TUSC3: variants seen among roughly 807,000 people sequenced by gnomAD.
TUSC3 encodes the protein tumor suppressor candidate 3.
In TUSC3, 45 loss-of-function variants were observed where a neutral mutation model predicts 44.8. The observed-to-expected ratio is 1.00, with a 90% CI of 0.79 to 1.29. The LOEUF is 1.29. Ranked by LOEUF, TUSC3 falls within the 50% of genes most tolerant of loss-of-function variation. The probability of loss-of-function intolerance (pLI) is 0.00; values close to 1 mark genes in which losing one functional copy is unlikely to be tolerated. For missense variants in TUSC3, 519 were observed against 437.9 expected, an observed-to-expected ratio of 1.19 and a Z score of -1.65; for synonymous variants, 212 against 152.9, an observed-to-expected ratio of 1.39 and a Z score of -2.85.
intron 1 of TUSC3, among the ~76,000 whole-genome samples, chr8:15,605,282 C>T (rs1804472581): frequency 6.6e-6 from 1 of 151,894 alleles, no homozygotes; most frequent in Non-Finnish European, 1.5e-5. Context: ...ATCAAAATTA[C>T]TTGTCTTTTA....
the TUSC3 span, among the ~76,000 whole-genome samples, chr8:15,802,687 A>G: frequency 6.6e-6 from 1 of 151,980 alleles, no homozygotes; most frequent in Non-Finnish European, 1.5e-5. Flanking sequence ...TTTGCCAGAA[A>G]TATGCCCCTA....
intron 2 of TUSC3, among the ~76,000 whole-genome samples, chr8:15,636,573 G>C (rs1011265453): frequency 1.2e-4 from 19 of 152,228 alleles, no homozygotes; most frequent in African/African-American, 4.1e-4. Flanking sequence ...TGTTGCCGTA[G>C]GCATTAGTCA....
chr8:15,740,968 A>G (rs563650173), intron 7 of TUSC3, among the ~76,000 whole-genome samples: 16 of 152,210 alleles, frequency 1.1e-4, no homozygotes, highest in African/African-American at 2.4e-4. Context: ...AATTTAAGCA[A>G]TTCAAATGAG....
At chr8:15,515,823 A>G (rs970888888) in intron 2 of TUSC3, among the ~76,000 whole-genome samples, 6 of 151,598 alleles carry the variant, frequency 4.0e-5, no homozygotes, top group African/African-American at 1.5e-4. Context: ...TCTCGCCACC[A>G]CACCCGGCTA....
At chr8:15,822,344 C>T in the TUSC3 span, among the ~76,000 whole-genome samples, 2 of 152,096 alleles carry the variant, frequency 1.3e-5, no homozygotes, top group African/African-American at 4.8e-5. Context: ...AGAGTTTGCA[C>T]TTTACAGATG....
At chr8:15,668,112 G>A (rs1585210410) in intron 5 of TUSC3, among the ~76,000 whole-genome samples, 2 of 151,728 alleles carry the variant, frequency 1.3e-5, no homozygotes, top group Non-Finnish European at 3.0e-5. Flanking sequence ...GAGGTGGAAG[G>A]ATTGGTATCT....
At chr8:15,692,710 C>T (rs1315369132) in intron 6 of TUSC3, among the ~76,000 whole-genome samples, 3 of 149,768 alleles carry the variant, frequency 2.0e-5, no homozygotes, top group African/African-American at 7.4e-5. Flanking sequence ...CCCCCTTTGT[C>T]ATTTCTGATT....
chr8:15,703,544 A>C (rs1199717605), intron 6 of TUSC3, among the ~76,000 whole-genome samples: 2 of 152,100 alleles, frequency 1.3e-5, no homozygotes, highest in Non-Finnish European at 2.9e-5. Context: ...GTGATTTATA[A>C]AGAAAAGAGT....
rs532426919 is a variant in TUSC3, at chr8:15,740,525, A to G, written c.863-3013A>G. Among the ~76,000 whole-genome samples, 20 of 152,226 alleles carry G rather than the reference A, an allele frequency of 1.3e-4. 1 individual carries two copies. The South Asian group carries it at 3.7e-3, about 28-fold the overall frequency. On this transcript the variant is annotated intron_variant, in intron 7 of 10. Transcript: ENST00000503731. ...CTTTTGGAAAAACGGGAGGAAAAAA[A>G]AAGAACAAGCAGTGTGCCAAAGATT... is the stretch of plus-strand genomic sequence containing the variant.
intron 1 of TUSC3, among the ~76,000 whole-genome samples, chr8:15,600,520 A>G (rs975976548): frequency 1.3e-5 from 2 of 151,638 alleles, no homozygotes; most frequent in African/African-American, 4.8e-5. Context: ...GTGACCGTTA[A>G]ATTTGTTAGG....
intron 1 of TUSC3, among the ~76,000 whole-genome samples, chr8:15,543,062 G>T (rs1298105588): frequency 6.6e-6 from 1 of 152,126 alleles, no homozygotes; most frequent in African/African-American, 2.4e-5. Context: ...AGGGAAACAC[G>T]CTATATTGGA....
At chr8:15,497,670 T>A (rs1800901379) in intron 2 of TUSC3, among the ~76,000 whole-genome samples, 1 of 152,182 alleles carries the variant, frequency 6.6e-6, no homozygotes, top group South Asian at 2.1e-4. Flanking sequence ...GTAGATTGTG[T>A]AATAGCTGGA....
intron 8 of TUSC3, among the ~76,000 whole-genome samples, chr8:15,745,548 T>C (rs1031938168): frequency 2.0e-5 from 3 of 152,104 alleles, no homozygotes; most frequent in Non-Finnish European, 4.4e-5. Flanking sequence ...ATTTCTCTGC[T>C]GAGTAATGAT....
chr8:15,780,802 A>G, the TUSC3 span, among the ~76,000 whole-genome samples: 1 of 152,128 alleles, frequency 6.6e-6, no homozygotes, highest in African/African-American at 2.4e-5. Context: ...GGCTAGCTGC[A>G]TGCTAAATCT....
At chr8:15,707,658 A>G (rs918376783) in intron 6 of TUSC3, among the ~76,000 whole-genome samples, 12 of 151,954 alleles carry the variant, frequency 7.9e-5, no homozygotes, top group African/African-American at 2.9e-4. Flanking sequence ...AGATGACTCT[A>G]TAGGAGATGT....
chr8:15,622,519 C>T (rs1315239479), intron 1 of TUSC3, among the ~76,000 whole-genome samples: 1 of 152,180 alleles, frequency 6.6e-6, no homozygotes, highest in Non-Finnish European at 1.5e-5. Flanking sequence ...CCAGTTCCAC[C>T]TGTGCTGTCT....
Position 15,765,326 on chromosome 8 carries a change from G to A in TUSC3, c.*1170G>A, listed in dbSNP as rs1165342016. On this transcript the variant is annotated 3_prime_UTR_variant, in exon 11 of 11. Transcript: ENST00000503731. ...TCCAAATTAATTAGGGTTTAGGAAAGCAGTTCTTCTTGAGTCAGTTCAATA... is the reference window on the plus strand; with the variant it reads ...TCCAAATTAATTAGGGTTTAGGAAAACAGTTCTTCTTGAGTCAGTTCAATA... The A allele has an allele frequency of 6.6e-6, 1 of 151,966 alleles. No individual in the cohort carries two copies. The highest frequency in any genetic ancestry group is 2.4e-5 in the African/African-American group (1 of 41,396). The allele number at this position is 151,966 out of a possible 1,614,324, so 9.4% of individuals were successfully genotyped here. A position where few individuals can be genotyped will look rare whatever the true frequency, so the allele number is the denominator to read the frequency against.
At chr8:15,564,054 A>G (rs975199564) in intron 1 of TUSC3, among the ~76,000 whole-genome samples, 3 of 152,150 alleles carry the variant, frequency 2.0e-5, no homozygotes, top group Non-Finnish European at 4.4e-5. Flanking sequence ...CTTCCTCTCC[A>G]TTATAGGAGA....
the TUSC3 span, among the ~76,000 whole-genome samples, chr8:15,833,247 A>T: frequency 6.6e-6 from 1 of 152,180 alleles, no homozygotes; most frequent in South Asian, 2.1e-4. Flanking sequence ...AGGAACATTT[A>T]TACGCTGTTG....
Sources: gnomAD v4.1 joint callset for allele counts (sites outside exome capture counted in the v4.1 genomes callset) on GRCh38, gnomAD v4.1.1 for gene constraint, MANE v1.5 for transcripts, NCBI Gene and HGNC (gene_info 2026-07-23, HGNC 2026-07-21) for gene names.